The following EFCAB6 variants were observed in gnomAD, a reference collection of about 807,000 sequenced individuals.
EFCAB6 encodes EF-hand calcium binding domain 6.
In EFCAB6, 156 loss-of-function variants were observed where a neutral mutation model predicts 169.8. The observed-to-expected ratio is 0.92, with a 90% CI of 0.81 to 1.05. EFCAB6 has a LOEUF of 1.05. Ranked by LOEUF, EFCAB6 falls within the 50% of genes least tolerant of loss-of-function variation. The pLI, the probability that EFCAB6 is intolerant of heterozygous loss-of-function variation, is 0.00. For synonymous variants in EFCAB6, 698 were observed against 676.4 expected, an observed-to-expected ratio of 1.03 and a Z score of -0.50; for missense variants, 1,800 against 1,829.1, an observed-to-expected ratio of 0.98 and a Z score of 0.29.
intron 9 of EFCAB6, 120 bp downstream of exon 9, chr22:43,716,728 G>A (rs2059343188): frequency 1.6e-6 from 2 of 1,248,434 alleles, no homozygotes; most frequent in Admixed American, 6.1e-5. Flanking sequence ...CAGTATTGGA[G>A]AAGACATAGG....
chr22:43,731,751 C>A lies in EFCAB6; in HGVS notation c.705G>T (p.Lys235Asn), dbSNP rs2059958405. Residue 235 changes from lysine to asparagine, a missense_variant, in exon 8 of 32, where the codon AAG becomes AAT. By Grantham distance (94) the Lys-to-Asn change is moderately conservative (BLOSUM62 0). Coordinates refer to ENST00000262726, the MANE Select transcript of EFCAB6 (RefSeq NM_022785.4). ...TCAAGTCGTTATTTATGCTGAGATT[C>A]TTCAAAAACACGTTGTAATCTACTG... ...DTAVDYNVFL[K>N]NLSINNDLNL... 1 of 1,604,070 alleles carries A rather than the reference C, an allele frequency of 6.2e-7. No individual in the cohort carries two copies. The highest frequency in any genetic ancestry group is 1.3e-5 in the African/African-American group (1 of 74,672).
At chr22:43,678,716 G>A (rs2057880586) in intron 12 of EFCAB6, among the ~76,000 whole-genome samples, 1 of 152,102 alleles carries the variant, frequency 6.6e-6, no homozygotes, top group African/African-American at 2.4e-5. Flanking sequence ...AAAATACCGT[G>A]AGAAAAAATT....
intron 19 of EFCAB6, 107 bp from the exon 20 acceptor site, chr22:43,626,786 T>C (rs1602709909): frequency 2.0e-6 from 2 of 996,110 alleles, no homozygotes; most frequent in East Asian, 4.9e-5. Context: ...AGGGGCAGCT[T>C]GGCTGGGCCC....
intron 2 of EFCAB6, among the ~76,000 whole-genome samples, chr22:43,800,205 G>A (rs2062656911): frequency 6.6e-6 from 1 of 152,140 alleles, no homozygotes; most frequent in African/African-American, 2.4e-5. Flanking sequence ...ACGCTGCTGG[G>A]ACATCCCCTT....
intron 26 of EFCAB6, among the ~76,000 whole-genome samples, chr22:43,555,316 T>A (rs1425697562): frequency 1.3e-5 from 2 of 152,128 alleles, no homozygotes; most frequent in African/African-American, 4.8e-5. Flanking sequence ...ATCCAGCGAG[T>A]TCCCCATGGG....
intron 17 of EFCAB6, among the ~76,000 whole-genome samples, chr22:43,660,439 C>T (rs997989932): frequency 2.6e-5 from 4 of 152,086 alleles, no homozygotes; most frequent in Non-Finnish European, 5.9e-5. Flanking sequence ...TACATATTTC[C>T]TCCTCCTCCC....
chr22:43,685,189 G>A (rs750131118), intron 11 of EFCAB6, among the ~76,000 whole-genome samples: 27 of 152,188 alleles, frequency 1.8e-4, no homozygotes, highest in Non-Finnish European at 3.7e-4. Flanking sequence ...ATGCCTCTGG[G>A]TACCAAGTTG....
chr22:43,566,952 C>G (rs369972395), intron 26 of EFCAB6, among the ~76,000 whole-genome samples: 4 of 152,292 alleles, frequency 2.6e-5, no homozygotes, highest in African/African-American at 9.6e-5. Context: ...GGTGCCCTCC[C>G]AACCCCTGGG....
intron 20 of EFCAB6, 66 bp downstream of exon 20, chr22:43,626,381 A>T: frequency 6.7e-7 from 1 of 1,483,782 alleles, no homozygotes; most frequent in Non-Finnish European, 9.3e-7. Flanking sequence ...CGCCATGGAA[A>T]TGCTGGACGT....
chr22:43,533,069 A>G lies in EFCAB6; in HGVS notation c.4233+1619T>C, dbSNP rs780455565. On this transcript the variant is annotated intron_variant, in intron 30 of 31. Coordinates refer to ENST00000262726, the MANE Select transcript of EFCAB6 (RefSeq NM_022785.4). ...ATGATGGCACTGGGTGTGGGTTTCA[A>G]TTGTGGAACTGTAAGTGGCTGAGAA... Among the ~76,000 whole-genome samples the G allele has an allele frequency of 6.6e-5, 10 of 152,242 alleles. 1 individual carries two copies. The highest frequency in any genetic ancestry group is 2.0e-4 in the Admixed American group (3 of 15,288).
intron 2 of EFCAB6, among the ~76,000 whole-genome samples, chr22:43,801,733 C>G (rs1330469701): frequency 6.6e-6 from 1 of 151,912 alleles, no homozygotes; most frequent in Non-Finnish European, 1.5e-5. Flanking sequence ...ATGCAAAAAC[C>G]TAAAAAGCAA....
chr22:43,697,544 T>C (rs974509291), intron 10 of EFCAB6, among the ~76,000 whole-genome samples: 1 of 152,180 alleles, frequency 6.6e-6, no homozygotes, highest in African/African-American at 2.4e-5. Context: ...CCAGTTTCCA[T>C]GGCTTTTATA....
At chr22:43,561,117 G>C (rs1002664324) in intron 26 of EFCAB6, among the ~76,000 whole-genome samples, 4 of 152,154 alleles carry the variant, frequency 2.6e-5, no homozygotes, top group Non-Finnish European at 4.4e-5. Context: ...TCAGCACTTT[G>C]GGAGGCCAAG....
chr22:43,606,206 A>C (rs2052906699), intron 22 of EFCAB6, among the ~76,000 whole-genome samples: 1 of 152,214 alleles, frequency 6.6e-6, no homozygotes, highest in African/African-American at 2.4e-5. Flanking sequence ...TATGTGAAAT[A>C]ACTCAGCTTA....
At chr22:43,553,901 G>C (rs1350637296) in intron 27 of EFCAB6, 1 of 152,768 alleles carries the variant, frequency 6.5e-6, no homozygotes, top group Admixed American at 6.5e-5. Context: ...TAGAGAGGCA[G>C]GGCCTGTGTC....
chr22:43,742,515 A>G (rs931900601), intron 6 of EFCAB6, among the ~76,000 whole-genome samples: 17 of 152,388 alleles, frequency 1.1e-4, no homozygotes, highest in African/African-American at 4.1e-4. Context: ...AAACACGAGG[A>G]AAAGCACTGA....
At chr22:43,700,509 T>C (rs2058729398) in intron 10 of EFCAB6, among the ~76,000 whole-genome samples, 1 of 152,250 alleles carries the variant, frequency 6.6e-6, no homozygotes, top group Non-Finnish European at 1.5e-5. Flanking sequence ...AGCCTGACTT[T>C]TTCTCTTGGT....
intron 6 of EFCAB6, among the ~76,000 whole-genome samples, chr22:43,748,074 C>A (rs1467972138): frequency 6.6e-6 from 1 of 152,192 alleles, no homozygotes; most frequent in Non-Finnish European, 1.5e-5. Context: ...CCCCACAACA[C>A]CAGTAGGTGC....
Position 43,537,135 on chromosome 22 carries a change from G to A in EFCAB6, c.4048+242C>T. Reference sequence around the variant, plus strand: ...ACCACTGTGATTTCTAAAGCTCAGAGTTAGTGCAGCGCTGACTTTACCATG... The same window carrying A: ...ACCACTGTGATTTCTAAAGCTCAGAATTAGTGCAGCGCTGACTTTACCATG... On this transcript the variant is annotated intron_variant, in intron 29 of 31. Transcript: ENST00000262726. The surrounding 1 kb of genome is among the most constrained non-coding windows in gnomAD (Gnocchi z 4.3). 1 of 417,430 alleles carries A rather than the reference G, an allele frequency of 2.4e-6. No individual in the cohort carries two copies. Among genetic ancestry groups the A allele is most frequent in the Non-Finnish European group, 4.3e-6 (1 of 233,222 alleles). The allele number at this position is 417,430 out of a possible 1,614,324, so 25.9% of individuals were successfully genotyped here.
Sources: allele counts gnomAD v4.1 joint callset (sites outside exome capture counted in the v4.1 genomes callset), GRCh38; gene constraint gnomAD v4.1.1; non-coding constraint Gnocchi (gnomAD v3.1); transcripts MANE v1.5; gene names NCBI Gene and HGNC (gene_info 2026-07-23, HGNC 2026-07-21).